Variants in DRC8 observed in about 807,000 individuals in gnomAD.
DRC8 encodes dynein regulatory complex protein 8.
chr1:245,094,443 A>G, the DRC8 span, among the ~76,000 whole-genome samples: 1 of 152,170 alleles, frequency 6.6e-6, no homozygotes, highest in Non-Finnish European at 1.5e-5. Context: ...GATTGCACGG[A>G]AATAAGCAAG....
chr1:244,975,744 C>T, the DRC8 span, among the ~76,000 whole-genome samples: 1 of 151,936 alleles, frequency 6.6e-6, no homozygotes, highest in Non-Finnish European at 1.5e-5. Flanking sequence ...CCTGTAATCC[C>T]AACTACTCAG....
chr1:245,028,963 T>C, the DRC8 span, among the ~76,000 whole-genome samples: 2 of 152,228 alleles, frequency 1.3e-5, no homozygotes, highest in Non-Finnish European at 2.9e-5. Flanking sequence ...TGGGGTCATA[T>C]CTGTGATGAA....
At chr1:244,970,629 G>C in the DRC8 span, 4 of 473,942 alleles carry the variant, frequency 8.4e-6, no homozygotes, top group African/African-American at 4.0e-5. Flanking sequence ...AGCCCGCCCG[G>C]CCCGCCGCTC....
chr1:245,060,678 G>GT, the DRC8 span, among the ~76,000 whole-genome samples: 2 of 152,222 alleles, frequency 1.3e-5, no homozygotes, highest in Non-Finnish European at 2.9e-5. Flanking sequence ...TGTGGAAGAG[G>GT]TAAGAACTAG....
the DRC8 span, among the ~76,000 whole-genome samples, chr1:245,089,169 T>C: frequency 2.6e-5 from 4 of 152,190 alleles, no homozygotes; most frequent in African/African-American, 9.6e-5. This position sits in a 1 kb window ranked among gnomAD's most constrained non-coding sequence, Gnocchi z 4.8. Flanking sequence ...TGGGTAAAAG[T>C]GCCATTCATT....
chr1:245,105,157 T>C, the DRC8 span, among the ~76,000 whole-genome samples: 1 of 152,196 alleles, frequency 6.6e-6, no homozygotes, highest in Non-Finnish European at 1.5e-5. Context: ...GCAAATCAAC[T>C]TCATTGGAAG....
the DRC8 span, among the ~76,000 whole-genome samples, chr1:245,065,349 A>G: frequency 6.6e-6 from 1 of 151,936 alleles, no homozygotes; most frequent in East Asian, 1.9e-4. Flanking sequence ...CACCGCGCCC[A>G]GCCTAATATT....
At chr1:245,009,837 A>G in the DRC8 span, among the ~76,000 whole-genome samples, 7,193 of 151,620 alleles carry the variant, frequency 0.047, 225 homozygotes, top group Non-Finnish European at 0.074. Context: ...GATTTAATTT[A>G]TATATGATGC....
the DRC8 span, among the ~76,000 whole-genome samples, chr1:245,038,258 CAGG>C: frequency 6.6e-6 from 1 of 152,162 alleles, no homozygotes; most frequent in Non-Finnish European, 1.5e-5. Flanking sequence ...ATCACGAGGT[CAGG>C]AGATCGAGAC....
At chr1:245,105,785 A>G in the DRC8 span, among the ~76,000 whole-genome samples, 1 of 152,222 alleles carries the variant, frequency 6.6e-6, no homozygotes, top group Non-Finnish European at 1.5e-5. Context: ...TCTTGAAAAC[A>G]TGCATTTTTG....
the DRC8 span, among the ~76,000 whole-genome samples, chr1:245,054,544 C>T: frequency 5.3e-5 from 8 of 151,928 alleles, no homozygotes; most frequent in Admixed American, 5.2e-4. Context: ...CATTTTTTTT[C>T]TCCTTAGCCT....
the DRC8 span, among the ~76,000 whole-genome samples, chr1:245,068,105 G>A: frequency 6.6e-6 from 1 of 152,132 alleles, no homozygotes; most frequent in Non-Finnish European, 1.5e-5. Flanking sequence ...ATTTGTAATT[G>A]GTAGGAAAAC....
the DRC8 span, among the ~76,000 whole-genome samples, chr1:245,080,963 G>C: frequency 6.6e-6 from 1 of 152,044 alleles, no homozygotes; most frequent in African/African-American, 2.4e-5. Flanking sequence ...GAGAGTCTTC[G>C]CGTATTCAGT....
chr1:245,081,683 G>A, the DRC8 span, among the ~76,000 whole-genome samples: 1 of 151,940 alleles, frequency 6.6e-6, no homozygotes, highest in East Asian at 2.0e-4. Context: ...TGGCCAAGCT[G>A]ATCTTGAACT....
chr1:245,099,697 T>G, the DRC8 span, among the ~76,000 whole-genome samples: 1 of 152,200 alleles, frequency 6.6e-6, no homozygotes, highest in Non-Finnish European at 1.5e-5. Context: ...GAGGGGGTGG[T>G]GAGAAGACGA....
chr1:245,124,823 C>G, the DRC8 span: 1 of 152,268 alleles, frequency 6.6e-6, no homozygotes, highest in Non-Finnish European at 1.5e-5. Context: ...CTGCACACTT[C>G]GACCAATCAA....
At chr1:245,010,265 AT>A in the DRC8 span, among the ~76,000 whole-genome samples, 1 of 152,196 alleles carries the variant, frequency 6.6e-6, no homozygotes, top group Non-Finnish European at 1.5e-5. Context: ...GAAGATAAAG[AT>A]TTGGGACTGC....
the DRC8 span, among the ~76,000 whole-genome samples, chr1:245,072,582 A>C: frequency 2.0e-5 from 3 of 152,202 alleles, no homozygotes; most frequent in Admixed American, 2.0e-4. Context: ...TGATACTATC[A>C]TGGTGAAGAC....
chr1:245,039,821 G>A, the DRC8 span, among the ~76,000 whole-genome samples: 1 of 152,080 alleles, frequency 6.6e-6, no homozygotes, highest in Non-Finnish European at 1.5e-5. Context: ...GTATATTTTT[G>A]GCGAGAATAC....
Sources: allele counts gnomAD v4.1 joint callset (sites outside exome capture counted in the v4.1 genomes callset), GRCh38; gene constraint gnomAD v4.1.1; non-coding constraint Gnocchi (gnomAD v3.1); transcripts MANE v1.5; gene names NCBI Gene and HGNC (gene_info 2026-07-23, HGNC 2026-07-21).